Variants in ATP7B observed in about 807,000 individuals in gnomAD.
ATP7B encodes the protein ATPase copper transporting beta, also known as copper-transporting ATPase 2.
ATP7B carries 113 observed loss-of-function variants against 118.9 expected under a neutral mutation model. The ratio of observed to expected loss-of-function variants is 0.95; its 90% CI spans 0.82 to 1.11. The LOEUF (loss-of-function observed/expected upper bound fraction) is 1.11, where lower values mean the gene tolerates loss of function less well. Ranked by LOEUF, ATP7B falls within the 50% of genes most tolerant of loss-of-function variation. The pLI is 0.00. For synonymous variants in ATP7B, 777 were observed against 727.4 expected (o/e 1.07, Z -1.10); for missense variants, 1,867 against 1,871.4 (o/e 1.00, Z 0.04).
intron 12 of ATP7B, among the ~76,000 whole-genome samples, chr13:51,948,224 AT>A (rs891542370): frequency 6.6e-6 from 1 of 152,068 alleles, no homozygotes; most frequent in South Asian, 2.1e-4. Context: ...TATGTGAAGG[AT>A]TTTTTTTAAA....
Position 51,944,027 on chromosome 13 carries a change from G to A in ATP7B, c.3243+82C>T, listed in dbSNP as rs370019033. 1.1e-3 allele frequency: 1,737 copies of A among 1,575,504 alleles called. 6 individuals carry two copies. The highest frequency in any genetic ancestry group is 8.8e-4 in the Non-Finnish European group (1,010 of 1,152,452). The stretch of plus-strand genomic sequence containing the variant: ...CCAGACCACACAGAGAAGGCTCCTC[G>A]AGGGCAGCTAGGAGAGAAGGACATG... On this transcript the variant is annotated intron_variant, in intron 14 of 20. Coordinates refer to ENST00000242839, the MANE Select transcript of ATP7B (RefSeq NM_000053.4).
Position 51,934,605 on chromosome 13 carries a change from C to T in ATP7B, c.*151G>A, listed in dbSNP as rs1188930570. 9.3e-6 allele frequency: 12 copies of T among 1,284,752 alleles called. No homozygotes were observed. Among genetic ancestry groups the T allele is most frequent in the South Asian group, 2.6e-5 (2 of 75,484 alleles). The allele number at this position is 1,284,752 out of a possible 1,614,324, so 79.6% of individuals were successfully genotyped here. On this transcript the variant is annotated 3_prime_UTR_variant, in exon 21 of 21. Transcript: ENST00000242839. ...AAGCCCAGCTGCACCCAGACAAGGC[C>T]GCGTGCTGCAGGGCAGGATGACTGG... is the stretch of plus-strand genomic sequence containing the variant.
At chr13:51,950,749 G>A (rs1566505568) in intron 9 of ATP7B, among the ~76,000 whole-genome samples, 1 of 152,080 alleles carries the variant, frequency 6.6e-6, no homozygotes, top group African/African-American at 2.4e-5. Context: ...GAGTGGCAGA[G>A]GGAGGAGGAG....
At chr13:51,970,452 C>G in intron 3 of ATP7B, 40 bp downstream of exon 3, 1 of 1,613,578 alleles carries the variant, frequency 6.2e-7, no homozygotes. Context: ...GAGGTCTATA[C>G]GCAGCATTCC....
intron 1 of ATP7B, among the ~76,000 whole-genome samples, chr13:51,991,097 A>G (rs1407704727): frequency 1.4e-5 from 2 of 146,132 alleles, no homozygotes; most frequent in Non-Finnish European, 3.0e-5. Flanking sequence ...ATATTTAAAG[A>G]AAAAAAAAAA....
chr13:51,938,946 G>T (rs1225087402), intron 17 of ATP7B, 105 bp downstream of exon 17: 1 of 1,553,808 alleles, frequency 6.4e-7, no homozygotes, highest in East Asian at 2.2e-5. Context: ...TCCAGCAAGG[G>T]AGAAAGAGCA....
At chr13:51,937,784 T>TCA in intron 17 of ATP7B, 105 bp from the exon 18 acceptor site, 1 of 1,324,874 alleles carries the variant, frequency 7.5e-7, no homozygotes. Context: ...CTGGGTCCAG[T>TCA]CAGTGATGTT....
At chr13:51,976,222 T>G (rs1469756648) in intron 1 of ATP7B, among the ~76,000 whole-genome samples, 16 of 152,222 alleles carry the variant, frequency 1.1e-4, no homozygotes, top group Admixed American at 1.0e-3. Flanking sequence ...AGCACATTTC[T>G]CTCTACTTGT....
rs746283578 is a variant in ATP7B, at chr13:51,957,507, A to ATT, written c.2447+8_2447+9insAA. 14 of 1,611,724 alleles carry ATT rather than the reference A, an allele frequency of 8.7e-6. No individual in the cohort carries two copies. In the South Asian group the frequency reaches 1.4e-4, roughly 16 times the overall value. On this transcript the variant is annotated intron_variant, in intron 9 of 20. Transcript: ENST00000242839. ...CCAACCACAAAGACATTTGATAACC[A>ATT]TAACTCACCTGATGATTAAATTGTC...
intron 1 of ATP7B, among the ~76,000 whole-genome samples, chr13:52,006,180 C>T (rs893485519): frequency 2.0e-5 from 3 of 152,150 alleles, no homozygotes; most frequent in Non-Finnish European, 2.9e-5. Flanking sequence ...TTAATAAATT[C>T]GTGGGTAAAT....
chr13:51,953,541 G>T (rs1958139534), intron 9 of ATP7B, among the ~76,000 whole-genome samples: 1 of 152,094 alleles, frequency 6.6e-6, no homozygotes, highest in Non-Finnish European at 1.5e-5. Flanking sequence ...ACTCTAAGCA[G>T]CTTACAAGGA....
intron 1 of ATP7B, among the ~76,000 whole-genome samples, chr13:52,001,110 T>C (rs1035679575): frequency 1.3e-5 from 2 of 152,196 alleles, no homozygotes; most frequent in Non-Finnish European, 2.9e-5. Flanking sequence ...CAAATCCTGT[T>C]AGTTCCACCA....
chr13:51,975,199 C>T, intron 1 of ATP7B, 31 bp from the exon 2 acceptor site: 1 of 1,610,562 alleles, frequency 6.2e-7, no homozygotes, highest in Non-Finnish European at 8.5e-7. Context: ...ATTTTTTAAC[C>T]TTGAAACCAA....
chr13:51,954,269 G>A (rs1425055933), intron 9 of ATP7B, among the ~76,000 whole-genome samples: 2 of 152,246 alleles, frequency 1.3e-5, no homozygotes, highest in Non-Finnish European at 2.9e-5. Flanking sequence ...CAACGCAGGG[G>A]ATGGCAAGAC....
chr13:52,003,335 G>C (rs1031350993), intron 1 of ATP7B, among the ~76,000 whole-genome samples: 2 of 152,094 alleles, frequency 1.3e-5, no homozygotes, highest in Non-Finnish European at 2.9e-5. Flanking sequence ...TTAGGAAATA[G>C]GGAGACCTGA....
intron 1 of ATP7B, among the ~76,000 whole-genome samples, chr13:52,010,807 T>A (rs1266629915): frequency 6.6e-6 from 1 of 152,228 alleles, no homozygotes. Flanking sequence ...GAAAAATAGA[T>A]CTGCTTTTTG....
rs767305042 is a variant in ATP7B, at chr13:51,960,260, T to C, written c.2009A>G (p.Tyr670Cys). The change falls in exon 7 of 21, where the codon TAT becomes TGT. Residue 670 changes from tyrosine to cysteine, a missense_variant. Tyr to Cys is a radical substitution (Grantham distance 194). Transcript: ENST00000242839. ...FGIPVMALMI[Y>C]MLIPSNEPHQ... ...GGGCTCGTTGCTGGGTATCAGCATA[T>C]AGATCATTAAGGCCATGACAGGGAT... 7.4e-6 allele frequency: 12 copies of C among 1,613,730 alleles called. No homozygotes were observed. The East Asian group carries it at 1.1e-4, about 15-fold the overall frequency.
intron 1 of ATP7B, among the ~76,000 whole-genome samples, chr13:51,977,969 G>A (rs764518244): frequency 1.3e-5 from 2 of 152,292 alleles, no homozygotes; most frequent in East Asian, 1.9e-4. Context: ...ACCTGGAAAC[G>A]TCTACGTCAA....
At chr13:51,992,837 G>C (rs906811344) in intron 1 of ATP7B, among the ~76,000 whole-genome samples, 2 of 151,816 alleles carry the variant, frequency 1.3e-5, no homozygotes, top group African/African-American at 4.8e-5. Context: ...AATTAGCTAG[G>C]TATGGTGTCA....
Sources: allele counts gnomAD v4.1 joint callset (sites outside exome capture counted in the v4.1 genomes callset), GRCh38; gene constraint gnomAD v4.1.1; transcripts MANE v1.5; gene names NCBI Gene and HGNC (gene_info 2026-07-23, HGNC 2026-07-21).